Variants in SAMD3 observed in about 807,000 individuals in gnomAD.
SAMD3 encodes sterile alpha motif domain containing 3.
In SAMD3, 63 loss-of-function variants were observed where a neutral mutation model predicts 58.5. The observed-to-expected ratio is 1.08, with a 90% CI of 0.88 to 1.33. The LOEUF is 1.33. SAMD3 is among the 40% of genes most tolerant of loss of function. SAMD3 has a pLI of 0.00. For missense variants in SAMD3, 604 were observed against 608.4 expected (o/e 0.99, Z 0.08); for synonymous variants, 220 against 210.3 (o/e 1.05, Z -0.40).
chr6:130,309,428 C>T (rs1263511520), intron 2 of SAMD3, among the ~76,000 whole-genome samples: 1 of 152,160 alleles, frequency 6.6e-6, no homozygotes, highest in East Asian at 1.9e-4. Flanking sequence ...TCATGGCACA[C>T]AAAACATGCT....
chr6:130,322,129 G>C (rs955247750), intron 1 of SAMD3, among the ~76,000 whole-genome samples: 3 of 152,186 alleles, frequency 2.0e-5, no homozygotes, highest in African/African-American at 7.2e-5. Flanking sequence ...AGCCATCAGA[G>C]AGGCAAGGCT....
chr6:130,251,224 A>ATTT (rs1562481265), intron 2 of SAMD3, among the ~76,000 whole-genome samples: 1 of 152,110 alleles, frequency 6.6e-6, no homozygotes, highest in African/African-American at 2.4e-5. Context: ...CCATTTGCAT[A>ATTT]TCTTTGGAGA....
chr6:130,351,260 A>T (rs1158125060), intron 1 of SAMD3, among the ~76,000 whole-genome samples: 1 of 152,242 alleles, frequency 6.6e-6, no homozygotes, highest in African/African-American at 2.4e-5. Flanking sequence ...TCTGCACAGC[A>T]AAAGAAACTA....
In SAMD3 at chr6:130,173,549, A is replaced by G. The variant is rs561431950; in HGVS notation, c.822+2292T>C. 2.6e-5 allele frequency among the ~76,000 whole-genome samples: 4 copies of G among 152,322 alleles called. No individual in the cohort carries two copies. In the East Asian group the frequency reaches 5.8e-4, roughly 22 times the overall value. Reference sequence around the variant, plus strand: ...GATCACTGCCTAGTCCTTCCTCTGGAAGCTTCGTCCCAGAGGGGCACTGGC... The same window carrying G: ...GATCACTGCCTAGTCCTTCCTCTGGGAGCTTCGTCCCAGAGGGGCACTGGC... On this transcript the variant is annotated intron_variant, in intron 8 of 11. Coordinates refer to ENST00000439090, the MANE Select transcript of SAMD3 (RefSeq NM_001017373.4).
At chr6:130,228,605 A>G (rs1181439621) in intron 2 of SAMD3, among the ~76,000 whole-genome samples, 1 of 152,226 alleles carries the variant, frequency 6.6e-6, no homozygotes, top group East Asian at 1.9e-4. Flanking sequence ...TCCAATGTGC[A>G]GTCAGGGCTG....
At chr6:130,286,198 C>A (rs146488740) in intron 2 of SAMD3, 4 of 152,222 alleles carry the variant, frequency 2.6e-5, no homozygotes, top group Admixed American at 2.0e-4. Context: ...CATGCTATGC[C>A]GTGCCTCCTG....
At chr6:130,291,895 T>C (rs2114963791) in intron 2 of SAMD3, among the ~76,000 whole-genome samples, 1 of 152,302 alleles carries the variant, frequency 6.6e-6, no homozygotes, top group East Asian at 1.9e-4. Context: ...GGGTTCTTAA[T>C]GTGCCTTTAT....
intron 8 of SAMD3, among the ~76,000 whole-genome samples, chr6:130,172,836 G>A (rs1301508588): frequency 1.3e-5 from 2 of 152,112 alleles, no homozygotes; most frequent in Non-Finnish European, 2.9e-5. Context: ...TCACTTTCAG[G>A]TACACCTATC....
Position 130,209,600 on chromosome 6 carries a change from TC to T in SAMD3, c.277del (p.Asp93MetfsTer27). 1 of 1,607,552 alleles carries T rather than the reference TC, an allele frequency of 6.2e-7. No homozygotes were observed. Among genetic ancestry groups the T allele is most frequent in the African/African-American group, 1.3e-5 (1 of 74,892 alleles). On this transcript the variant is annotated frameshift_variant, in exon 5 of 12. Coordinates refer to ENST00000439090, the MANE Select transcript of SAMD3 (RefSeq NM_001017373.4). LOFTEE classifies it high-confidence loss of function. ...MQTEAARDYR[D>X]EESSSPARHG... The stretch of plus-strand genomic sequence containing the variant: ...CCTGGCTGGACTGGAGGACTCTTCA[TC>T]CCTGTAACTAAGAAAGAAGAGGTGG...
intron 1 of SAMD3, among the ~76,000 whole-genome samples, chr6:130,335,127 G>A (rs915348491): frequency 9.2e-5 from 14 of 152,188 alleles, no homozygotes; most frequent in African/African-American, 3.4e-4. Context: ...TCCCAAAGAT[G>A]AGCCAAGTGG....
At chr6:130,162,388 T>C in intron 8 of SAMD3, 1 of 635,656 alleles carries the variant, frequency 1.6e-6, no homozygotes, top group South Asian at 1.8e-5. Context: ...AGCTTTTTTA[T>C]CTCCCAGAAA....
At chr6:130,307,099 A>T (rs1016077791) in intron 2 of SAMD3, among the ~76,000 whole-genome samples, 1 of 152,174 alleles carries the variant, frequency 6.6e-6, no homozygotes, top group African/African-American at 2.4e-5. Flanking sequence ...GTATCTAAAG[A>T]ATTCTGTGAT....
chr6:130,314,516 A>G (rs1421012968), intron 1 of SAMD3, among the ~76,000 whole-genome samples: 6 of 152,366 alleles, frequency 3.9e-5, no homozygotes, highest in East Asian at 3.9e-4. Context: ...CTTAGATGCA[A>G]TCAGAAAGTG....
At chr6:130,162,408 A>G in intron 8 of SAMD3, 1 of 567,218 alleles carries the variant, frequency 1.8e-6, no homozygotes, top group East Asian at 2.9e-5. Flanking sequence ...ATGAATAAAA[A>G]CTCATCTTGA....
intron 1 of SAMD3, among the ~76,000 whole-genome samples, chr6:130,218,178 C>CA (rs1255935380): frequency 1.3e-5 from 2 of 152,022 alleles, no homozygotes; most frequent in African/African-American, 4.8e-5. Context: ...ATTTATTGGG[C>CA]AAAAAGGAAA....
chr6:130,284,644 A>G (rs1159728780), intron 2 of SAMD3, among the ~76,000 whole-genome samples: 1 of 152,232 alleles, frequency 6.6e-6, no homozygotes, highest in African/African-American at 2.4e-5. Flanking sequence ...AAACATAAAT[A>G]TCATGGCATA....
chr6:130,177,642 C>G (rs1458628523), intron 7 of SAMD3, among the ~76,000 whole-genome samples: 1 of 152,160 alleles, frequency 6.6e-6, no homozygotes, highest in Non-Finnish European at 1.5e-5. Context: ...TGGCACTTAT[C>G]ACAGTGGTAA....
chr6:130,358,330 A>G (rs921285992), intron 1 of SAMD3, among the ~76,000 whole-genome samples: 2 of 152,236 alleles, frequency 1.3e-5, no homozygotes, highest in African/African-American at 4.8e-5. Flanking sequence ...GGATTTCAGG[A>G]AGCTTTCAAT....
intron 1 of SAMD3, among the ~76,000 whole-genome samples, chr6:130,317,765 G>A (rs1460945053): frequency 1.2e-4 from 18 of 152,286 alleles, no homozygotes; most frequent in Admixed American, 2.6e-4. Context: ...ATTGTGTGCC[G>A]GCAACAAAGG....
Sources: gnomAD v4.1 joint callset for allele counts (sites outside exome capture counted in the v4.1 genomes callset) on GRCh38, gnomAD v4.1.1 for gene constraint, MANE v1.5 for transcripts, NCBI Gene and HGNC (gene_info 2026-07-23, HGNC 2026-07-21) for gene names.